BANP: variants seen among roughly 807,000 people sequenced by gnomAD.
The protein encoded by BANP is protein BANP.
In BANP, 11 loss-of-function variants were observed where a neutral mutation model predicts 68.1. That is an observed-to-expected ratio of 0.16 (90% CI 0.10 to 0.27). BANP has a LOEUF of 0.27. Ranked by LOEUF, BANP falls within the 10% of genes least tolerant of loss-of-function variation. The pLI, the probability that BANP is intolerant of heterozygous loss-of-function variation, is 1.00. For missense variants in BANP, 504 were observed against 722.7 expected (o/e 0.70, Z 3.47); for synonymous variants, 329 against 303.2 (o/e 1.09, Z -0.88).
At chr16:88,037,749 T>G (rs1377053172) in intron 10 of BANP, 7 of 589,460 alleles carry the variant, frequency 1.2e-5, no homozygotes, top group African/African-American at 7.5e-5. Flanking sequence ...ATGAGTACAA[T>G]GCTTTTTGAG....
At chr16:87,987,759 A>G (rs2064851820) in intron 4 of BANP, among the ~76,000 whole-genome samples, 1 of 138,770 alleles carries the variant, frequency 7.2e-6, no homozygotes, top group Non-Finnish European at 1.5e-5. Flanking sequence ...TATGTCTGAC[A>G]TTTCTTTCCA....
chr16:88,039,221 C>G (rs1395653162), intron 11 of BANP, among the ~76,000 whole-genome samples: 1 of 152,000 alleles, frequency 6.6e-6, no homozygotes, highest in Non-Finnish European at 1.5e-5. Context: ...CATCGCTCGT[C>G]TGTAAGTATG....
intron 11 of BANP, among the ~76,000 whole-genome samples, chr16:88,044,141 C>G (rs576230991): frequency 1.3e-5 from 2 of 152,354 alleles, no homozygotes; most frequent in African/African-American, 4.8e-5. Flanking sequence ...TGGGCAGACT[C>G]CCTATAAAGG....
chr16:87,996,563 C>T (rs2067285672), intron 4 of BANP, among the ~76,000 whole-genome samples: 2 of 142,548 alleles, frequency 1.4e-5, no homozygotes, highest in African/African-American at 2.7e-5. Flanking sequence ...CGGCTGGGCT[C>T]TGGTTCTGAG....
intron 11 of BANP, among the ~76,000 whole-genome samples, chr16:88,054,087 T>A (rs2084219808): frequency 1.4e-5 from 1 of 70,638 alleles, no homozygotes; most frequent in Non-Finnish European, 3.4e-5. Context: ...CCACCACCTC[T>A]ACTGTCATCT....
chr16:87,953,970 G>A (rs2057519485), intron 1 of BANP, among the ~76,000 whole-genome samples: 1 of 152,152 alleles, frequency 6.6e-6, no homozygotes, highest in South Asian at 2.1e-4. Context: ...CTTCTCTTTG[G>A]TGTTAATGAT....
intron 11 of BANP, among the ~76,000 whole-genome samples, chr16:88,041,912 C>T (rs1247824106): frequency 2.0e-5 from 3 of 152,154 alleles, no homozygotes; most frequent in Non-Finnish European, 4.4e-5. Flanking sequence ...AACCACAGAG[C>T]CTGAGAGACA....
chr16:87,975,655 G>A (rs11646120), intron 2 of BANP, among the ~76,000 whole-genome samples: 47,316 of 142,438 alleles, frequency 0.33, 9,644 homozygotes, highest in Non-Finnish European at 0.46. Flanking sequence ...TGTTGTGTGT[G>A]TAATCCCCTG....
chr16:87,953,283 C>T (rs1011894201), intron 1 of BANP, among the ~76,000 whole-genome samples: 37 of 152,164 alleles, frequency 2.4e-4, no homozygotes, highest in African/African-American at 8.7e-4. Flanking sequence ...AAGCAATGGT[C>T]CCCTGCCCCA....
chr16:88,060,750 CCTT>C (rs1397103926), intron 11 of BANP, among the ~76,000 whole-genome samples: 1 of 152,082 alleles, frequency 6.6e-6, no homozygotes, highest in Non-Finnish European at 1.5e-5. Flanking sequence ...CCCGACCTGC[CCTT>C]CTCCCTTTCC....
At chr16:87,980,323 T>C (rs2063008012) in intron 2 of BANP, among the ~76,000 whole-genome samples, 5 of 152,194 alleles carry the variant, frequency 3.3e-5, no homozygotes, top group Non-Finnish European at 7.3e-5. Context: ...GATGAGGCAA[T>C]TGTGGCCGAT....
chr16:88,018,141 G>A lies in BANP; in HGVS notation c.656-287G>A, dbSNP rs1157493442. On this transcript the variant is annotated intron_variant, in intron 6 of 13. Coordinates refer to ENST00000682872, the MANE Select transcript of BANP (RefSeq NM_001386991.1). The surrounding 1 kb of genome is among the most constrained non-coding windows in gnomAD (Gnocchi z 7.7). The stretch of plus-strand genomic sequence containing the variant: ...TGCTGGGGTCCCGGGTCCAGGGTGA[G>A]CAGAGTGTGTGACCGTGTTGGCGCT... Among the ~76,000 whole-genome samples, 1 of 152,042 alleles carries A rather than the reference G, an allele frequency of 6.6e-6. No individual in the cohort carries two copies. The highest frequency in any genetic ancestry group is 6.6e-5 in the Admixed American group (1 of 15,260).
At chr16:88,034,381 A>G (rs2078852230) in intron 9 of BANP, among the ~76,000 whole-genome samples, 1 of 152,376 alleles carries the variant, frequency 6.6e-6, no homozygotes, top group Non-Finnish European at 1.5e-5. Flanking sequence ...CGACTAAGAG[A>G]GAATTTCAAA....
At chr16:88,028,396 A>C (rs2152721148) in intron 8 of BANP, among the ~76,000 whole-genome samples, 2 of 152,336 alleles carry the variant, frequency 1.3e-5, no homozygotes, top group East Asian at 3.9e-4. Flanking sequence ...GTTGCAGACC[A>C]GATCACCTGG....
rs536529813 is a variant in BANP, at chr16:88,021,295, C to T, written c.895+2628C>T. ...AGCACGGTCCCCTGGCAGGGGCGTC[C>T]GCTAGCACCGTCATTCTGCTGGAAG... On this transcript the variant is annotated intron_variant, in intron 7 of 13. Coordinates refer to ENST00000682872, the MANE Select transcript of BANP (RefSeq NM_001386991.1). Among the ~76,000 whole-genome samples, 29 of 152,310 alleles carry T rather than the reference C, an allele frequency of 1.9e-4. 1 individual carries two copies. Among genetic ancestry groups the T allele is most frequent in the Admixed American group, 1.6e-3 (25 of 15,304 alleles).
chr16:88,075,551 C>G (rs1319712470), intron 13 of BANP, among the ~76,000 whole-genome samples: 1 of 152,060 alleles, frequency 6.6e-6, no homozygotes, highest in Non-Finnish European at 1.5e-5. Flanking sequence ...AGTTGCCAGG[C>G]CTCTTCCTCC....
At chr16:88,039,351 G>C (rs576967187) in intron 11 of BANP, among the ~76,000 whole-genome samples, 1 of 143,348 alleles carries the variant, frequency 7.0e-6, no homozygotes, top group African/African-American at 2.4e-5. Flanking sequence ...TCAGTTCTCC[G>C]CGCCTTTGTC....
chr16:87,996,464 G>T (rs544589254), intron 4 of BANP, among the ~76,000 whole-genome samples: 1 of 83,268 alleles, frequency 1.2e-5, no homozygotes, highest in Non-Finnish European at 2.6e-5. Context: ...GGTGCCAGCT[G>T]GGCTCTGGTT....
chr16:88,013,725 A>G (rs1419728109), intron 6 of BANP, among the ~76,000 whole-genome samples: 1 of 152,198 alleles, frequency 6.6e-6, no homozygotes, highest in African/African-American at 2.4e-5. Context: ...CTTGCCTCAG[A>G]ACCTCCTTGC....
Sources: gnomAD v4.1 joint callset for allele counts (sites outside exome capture counted in the v4.1 genomes callset) on GRCh38, gnomAD v4.1.1 for gene constraint, Gnocchi (gnomAD v3.1) non-coding constraint, MANE v1.5 for transcripts, NCBI Gene and HGNC (gene_info 2026-07-23, HGNC 2026-07-21) for gene names.